TMEM130: variants seen among roughly 807,000 people sequenced by gnomAD.
The protein encoded by TMEM130 is transmembrane protein 130.
In TMEM130, 37 loss-of-function variants were observed where a neutral mutation model predicts 42.9. The ratio of observed to expected loss-of-function variants is 0.86; its 90% CI spans 0.66 to 1.13. The LOEUF (loss-of-function observed/expected upper bound fraction) is 1.13, where lower values mean the gene tolerates loss of function less well. Among genes scored for constraint, TMEM130 ranks in the 50% most tolerant of loss-of-function variants. The pLI is 0.00. For synonymous variants in TMEM130, 259 were observed against 237.7 expected (o/e 1.09, Z -0.82); for missense variants, 545 against 562.6 (o/e 0.97, Z 0.32).
At chr7:98,855,756 C>T (rs1794615914) in intron 4 of TMEM130, among the ~76,000 whole-genome samples, 1 of 152,234 alleles carries the variant, frequency 6.6e-6, no homozygotes, top group South Asian at 2.1e-4. Context: ...GGCCAATTCA[C>T]AGCAGACACC....
chr7:98,852,561 G>A (rs1794535016), intron 5 of TMEM130, among the ~76,000 whole-genome samples: 1 of 151,958 alleles, frequency 6.6e-6, no homozygotes, highest in African/African-American at 2.4e-5. Flanking sequence ...CAACCAGCAT[G>A]AGAGAGTTGT....
rs570584149 is a variant in TMEM130, at chr7:98,851,393, C to T, written c.1006+28G>A. 130 of 1,612,002 alleles carry T rather than the reference C, an allele frequency of 8.1e-5. 2 individuals are homozygous for T. The South Asian group carries it at 1.4e-3, about 17-fold the overall frequency. Reference sequence around the variant, plus strand: ...ACAGGCTTGTGCTGCCCATGTGGCACTGGAGCAGAAGGCGAGGTGTCACTT... The same window carrying T: ...ACAGGCTTGTGCTGCCCATGTGGCATTGGAGCAGAAGGCGAGGTGTCACTT... On this transcript the variant is annotated intron_variant, in intron 6 of 7. Coordinates refer to ENST00000339375, the MANE Select transcript of TMEM130 (RefSeq NM_152913.3).
At chr7:98,856,695 C>T (rs1794643344) in intron 3 of TMEM130, among the ~76,000 whole-genome samples, 1 of 152,010 alleles carries the variant, frequency 6.6e-6, no homozygotes, top group African/African-American at 2.4e-5. Flanking sequence ...CAAGGTCTTA[C>T]TATGTTGCCC....
rs372786941 is a variant in TMEM130 at position 98,861,580 on chromosome 7, T to C, written c.392-1242A>G. ...AAATACAAAAATTAGCTGGGTGTGG[T>C]GGCCAGCACCTGTAGTCCCAGCTAC... is the stretch of plus-strand genomic sequence containing the variant. On this transcript the variant is annotated intron_variant, in intron 2 of 7. Coordinates refer to ENST00000339375, the MANE Select transcript of TMEM130 (RefSeq NM_152913.3). Among the ~76,000 whole-genome samples the C allele has an allele frequency of 1.2e-4, 19 of 152,146 alleles. No homozygotes were observed. The East Asian group carries it at 3.5e-3, about 28-fold the overall frequency.
rs1794397446 is a variant in TMEM130, at chr7:98,847,980, G to C, written c.*76C>G. Reference sequence around the variant, plus strand: ...CACGCAAATGAACCCCTCCTGGTCAGTGGTGCACACCACCCTGCTGGAAAC... The same window carrying C: ...CACGCAAATGAACCCCTCCTGGTCACTGGTGCACACCACCCTGCTGGAAAC... On this transcript the variant is annotated 3_prime_UTR_variant, in exon 8 of 8. Coordinates refer to ENST00000339375, the MANE Select transcript of TMEM130 (RefSeq NM_152913.3). 1.4e-6 allele frequency: 2 copies of C among 1,447,874 alleles called. No homozygotes were observed. The highest frequency in any genetic ancestry group is 1.9e-6 in the Non-Finnish European group (2 of 1,049,282). 89.7% of individuals were successfully genotyped at this position (1,447,874 alleles called of 1,614,324 possible). A position where few individuals can be genotyped will look rare whatever the true frequency, so the allele number is the denominator to read the frequency against.
At chr7:98,859,663 T>C (rs781903804) in intron 3 of TMEM130, among the ~76,000 whole-genome samples, 1 of 151,532 alleles carries the variant, frequency 6.6e-6, no homozygotes, top group Non-Finnish European at 1.5e-5. Flanking sequence ...TCACTTGAGG[T>C]CAGGAGTTCA....
At position 98,863,396 on chromosome 7, in the gene TMEM130, C is replaced by G. The variant is rs782259635; in HGVS notation, c.90G>C (p.Leu30=). 8 of 1,584,642 alleles carry G rather than the reference C, an allele frequency of 5.0e-6. No individual in the cohort carries two copies. In the East Asian group the frequency reaches 1.6e-4, roughly 31 times the overall value. Residue 30 remains leucine (L), a synonymous_variant, in exon 2 of 8, where the codon CTG becomes CTC. Transcript: ENST00000339375. ...PWAPAGVAAG[L]YELNLTTDSP... The stretch of plus-strand genomic sequence containing the variant: ...TATCGGTGGTGAGATTGAGTTCATA[C>G]AGGCCTAGGAGCCCAGAAACAAAGA...
chr7:98,868,928 T>C (rs1285245566), intron 1 of TMEM130, among the ~76,000 whole-genome samples: 1 of 152,180 alleles, frequency 6.6e-6, no homozygotes, highest in Non-Finnish European at 1.5e-5. Context: ...CAGGTTTTCT[T>C]TGACCTCATG....
chr7:98,869,318 T>C lies in TMEM130; in HGVS notation c.85+459A>G. 1.6e-6 allele frequency: 2 copies of C among 1,278,344 alleles called. No homozygotes were observed. The highest frequency in any genetic ancestry group is 2.0e-6 in the Non-Finnish European group (2 of 984,744). The allele number at this position is 1,278,344 out of a possible 1,614,324, so 79.2% of individuals were successfully genotyped here. Reference sequence around the variant, plus strand: ...CTCCCCAAAGCCAGCACCAACACGGTGGGAAACCCCTCTAGATGAGGCGAC... The same window carrying C: ...CTCCCCAAAGCCAGCACCAACACGGCGGGAAACCCCTCTAGATGAGGCGAC... On this transcript the variant is annotated intron_variant, in intron 1 of 7. Transcript: ENST00000339375. This position sits in a 1 kb window ranked among gnomAD's most constrained non-coding sequence, Gnocchi z 4.7.
chr7:98,858,790 G>A (rs1794690130), intron 3 of TMEM130, among the ~76,000 whole-genome samples: 2 of 152,006 alleles, frequency 1.3e-5, no homozygotes, highest in Non-Finnish European at 2.9e-5. Context: ...AGGTCAAGGC[G>A]GCAGTGATCT....
At position 98,869,101 on chromosome 7, in the gene TMEM130, C is replaced by T. The variant is rs1794971061; in HGVS notation, c.85+676G>A. 1 of 1,122,674 alleles carries T rather than the reference C, an allele frequency of 8.9e-7. No homozygotes were observed. The highest frequency in any genetic ancestry group is 1.1e-6 in the Non-Finnish European group (1 of 870,742). The allele number at this position is 1,122,674 out of a possible 1,614,324, so 69.5% of individuals were successfully genotyped here. On this transcript the variant is annotated intron_variant, in intron 1 of 7. Coordinates refer to ENST00000339375, the MANE Select transcript of TMEM130 (RefSeq NM_152913.3). The surrounding 1 kb of genome is among the most constrained non-coding windows in gnomAD (Gnocchi z 4.7). ...CTTAAATCTGGGTCCTTTTATGGTT[C>T]CCAAAATGTGGCAGAGAGGTGGGTG... is the stretch of plus-strand genomic sequence containing the variant.
At chr7:98,851,239 G>A (rs1794495703) in intron 6 of TMEM130, among the ~76,000 whole-genome samples, 182 bp downstream of exon 6, 1 of 152,132 alleles carries the variant, frequency 6.6e-6, no homozygotes, top group Non-Finnish European at 1.5e-5. Flanking sequence ...TTGGCAGTTG[G>A]CCAGCGCTGA....
intron 3 of TMEM130, among the ~76,000 whole-genome samples, chr7:98,856,706 A>G (rs1240905936): frequency 6.6e-6 from 1 of 152,060 alleles, no homozygotes; most frequent in East Asian, 1.9e-4. Flanking sequence ...TATGTTGCCC[A>G]GGCTGGTCTT....
chr7:98,847,753 C>T lies in TMEM130; in HGVS notation c.*303G>A, dbSNP rs1554397554. 1.6e-5 allele frequency: 4 copies of T among 249,492 alleles called. No individual in the cohort carries two copies. Among genetic ancestry groups the T allele is most frequent in the Non-Finnish European group, 3.1e-5 (4 of 130,872 alleles). 15.5% of individuals were successfully genotyped at this position (249,492 alleles called of 1,614,324 possible). ...GCAGCCAGGCCCACCTGGGAGTCAA[C>T]ACGGAACACCCCAAGCATCAAAGTC... On this transcript the variant is annotated 3_prime_UTR_variant, in exon 8 of 8. Coordinates refer to ENST00000339375, the MANE Select transcript of TMEM130 (RefSeq NM_152913.3).
At position 98,869,419 on chromosome 7, in the gene TMEM130, C is replaced by A. The variant is rs1562914860; in HGVS notation, c.85+358G>T. The A allele has an allele frequency of 2.5e-6, 3 of 1,207,636 alleles. No homozygotes were observed. The highest frequency in any genetic ancestry group is 3.1e-6 in the Non-Finnish European group (3 of 957,432). The allele number at this position is 1,207,636 out of a possible 1,614,324, so 74.8% of individuals were successfully genotyped here. A position where few individuals can be genotyped will look rare whatever the true frequency, so the allele number is the denominator to read the frequency against. ...ATTGTGGCGCGATGACGGACCCTGG[C>A]GCATCCCCGCCTCCCTGCCTCGTCC... On this transcript the variant is annotated intron_variant, in intron 1 of 7. Transcript: ENST00000339375. The surrounding 1 kb of genome is among the most constrained non-coding windows in gnomAD (Gnocchi z 4.7).
chr7:98,858,112 C>G (rs1364104998), intron 3 of TMEM130, among the ~76,000 whole-genome samples: 3 of 152,096 alleles, frequency 2.0e-5, no homozygotes, highest in Non-Finnish European at 4.4e-5. Flanking sequence ...ACTTCTTTTT[C>G]TAGTTTATTT....
At position 98,848,626 on chromosome 7, in the gene TMEM130, T is replaced by C; in HGVS notation, c.1076A>G (p.Tyr359Cys). The C allele has an allele frequency of 6.2e-7, 1 of 1,614,120 alleles. No homozygotes were observed. The highest frequency in any genetic ancestry group is 8.5e-7 in the Non-Finnish European group (1 of 1,179,976). ...CTGAGTGGCATTCCGCAGGGTCATG[T>C]ACATGATGAAGGCCAACATCACAGT... ...LITVMLAFIM[Y>C]MTLRNATQQK... Residue 359 changes from tyrosine (Y) to cysteine (C), a missense_variant, in exon 7 of 8, where the codon TAC becomes TGC. Tyr to Cys is a radical substitution (Grantham distance 194, BLOSUM62 -2). Transcript: ENST00000339375.
chr7:98,864,492 C>G (rs1274755683), intron 1 of TMEM130, among the ~76,000 whole-genome samples: 21 of 146,218 alleles, frequency 1.4e-4, no homozygotes, highest in Non-Finnish European at 2.7e-4. Context: ...GCTGGGATTA[C>G]AGGCATGAGC....
intron 3 of TMEM130, among the ~76,000 whole-genome samples, chr7:98,857,719 C>T (rs62471980): frequency 7.7e-5 from 2 of 25,930 alleles, no homozygotes; most frequent in African/African-American, 2.4e-4. Flanking sequence ...AACAAAAACA[C>T]ATCCTTTTTT....
Sources: gnomAD v4.1 joint callset for allele counts (sites outside exome capture counted in the v4.1 genomes callset) on GRCh38, gnomAD v4.1.1 for gene constraint, Gnocchi (gnomAD v3.1) non-coding constraint, MANE v1.5 for transcripts, NCBI Gene and HGNC (gene_info 2026-07-23, HGNC 2026-07-21) for gene names.